SNX16: variants seen among roughly 807,000 people sequenced by gnomAD.
The protein encoded by SNX16 is sorting nexin 16.
A neutral mutation model predicts 36.7 loss-of-function variants in SNX16; 35 were observed. The observed-to-expected ratio is 0.95, with a 90% CI of 0.73 to 1.27. The LOEUF is 1.27. SNX16 is among the 50% of genes most tolerant of loss of function. The probability of loss-of-function intolerance (pLI) is 0.00; values close to 1 mark genes in which losing one functional copy is unlikely to be tolerated. For missense variants in SNX16, 367 were observed against 393.6 expected (o/e 0.93, Z 0.57); for synonymous variants, 134 against 132.0 (o/e 1.02, Z -0.10).
chr8:81,815,563 G>A (rs1385871391), intron 4 of SNX16, 169 bp from the exon 5 acceptor site: 2 of 479,452 alleles, frequency 4.2e-6, no homozygotes, highest in Non-Finnish European at 7.5e-6. Context: ...AAGATCTTAA[G>A]GTGTTTTCTA....
chr8:81,836,290 T>C (rs1811492752), intron 2 of SNX16, among the ~76,000 whole-genome samples: 1 of 152,204 alleles, frequency 6.6e-6, no homozygotes, highest in Non-Finnish European at 1.5e-5. Flanking sequence ...TTCAAAAGAA[T>C]ATATCTAGAA....
chr8:81,840,239 G>C (rs371751711), intron 1 of SNX16, 157 bp from the exon 2 acceptor site: 6 of 347,646 alleles, frequency 1.7e-5, no homozygotes. Context: ...ACTCCTATTT[G>C]CAAGATAGAG....
At chr8:81,841,588 A>G (rs1002084871) in intron 1 of SNX16, 1 of 151,548 alleles carries the variant, frequency 6.6e-6, no homozygotes, top group African/African-American at 2.4e-5. Context: ...TATCAACACA[A>G]CCACTGACGT....
chr8:81,816,068 T>A (rs774477), intron 4 of SNX16, among the ~76,000 whole-genome samples: 37,267 of 152,084 alleles, frequency 0.25, 5,180 homozygotes, highest in East Asian at 0.37. Context: ...AAAAGCAAGT[T>A]TGGACTGTTG....
At chr8:81,834,351 C>T (rs1811400177) in intron 2 of SNX16, among the ~76,000 whole-genome samples, 1 of 152,198 alleles carries the variant, frequency 6.6e-6, no homozygotes, top group Non-Finnish European at 1.5e-5. Context: ...GGTGGGGACA[C>T]ATTCAAACCA....
At chr8:81,808,235 A>G (rs1810058283) in intron 5 of SNX16, 1 of 1,260,058 alleles carries the variant, frequency 7.9e-7, no homozygotes, top group African/African-American at 1.5e-5. Flanking sequence ...ACCTTTCACG[A>G]CCATGACTCC....
At chr8:81,820,960 T>G (rs1244285048) in intron 4 of SNX16, among the ~76,000 whole-genome samples, 6 of 151,382 alleles carry the variant, frequency 4.0e-5, no homozygotes, top group African/African-American at 1.5e-4. Context: ...TCTCTTACAT[T>G]GTGAAACAAA....
Position 81,829,758 on chromosome 8 carries a change from T to G in SNX16, c.376-242A>C, listed in dbSNP as rs139877480. Among the ~76,000 whole-genome samples the G allele has an allele frequency of 4.9e-4, 75 of 152,246 alleles. 1 individual carries two copies. The East Asian group carries it at 0.013, about 26-fold the overall frequency. On this transcript the variant is annotated intron_variant, in intron 2 of 7. Coordinates refer to ENST00000345957, the MANE Select transcript of SNX16 (RefSeq NM_152836.3). ...GACAAAACGCTTTTTCTGTGCACACTAACAATAAACTCATCAGCTTCCAAA... is the reference window on the plus strand; with the variant it reads ...GACAAAACGCTTTTTCTGTGCACACGAACAATAAACTCATCAGCTTCCAAA...
intron 5 of SNX16, among the ~76,000 whole-genome samples, chr8:81,804,303 A>G (rs1196123550): frequency 6.6e-6 from 1 of 152,086 alleles, no homozygotes; most frequent in Non-Finnish European, 1.5e-5. Flanking sequence ...ACTGAATCCC[A>G]AAAGAAAGAG....
At chr8:81,827,891 A>T (rs528276812) in intron 3 of SNX16, among the ~76,000 whole-genome samples, 1 of 152,304 alleles carries the variant, frequency 6.6e-6, no homozygotes, top group South Asian at 2.1e-4. Flanking sequence ...TAATTTCTGC[A>T]TGTTCTAAGA....
In SNX16 at chr8:81,801,405, G is replaced by A. The variant is rs1809679901; in HGVS notation, c.*92C>T. ...TGTGCATTCTTGCTCTTTTCTATAT[G>A]TTTTACAGTTCTTGGTTCTTCTTTT... On this transcript the variant is annotated 3_prime_UTR_variant, in exon 8 of 8. Coordinates refer to ENST00000345957, the MANE Select transcript of SNX16 (RefSeq NM_152836.3). The A allele has an allele frequency of 2.8e-6, 2 of 702,624 alleles. No individual in the cohort carries two copies. The highest frequency in any genetic ancestry group is 2.3e-6 in the Non-Finnish European group (1 of 443,118). The allele number at this position is 702,624 out of a possible 1,614,324, so 43.5% of individuals were successfully genotyped here. A position where few individuals can be genotyped will look rare whatever the true frequency, so the allele number is the denominator to read the frequency against.
chr8:81,829,425 CT>C lies in SNX16; in HGVS notation c.462+4del. The C allele has an allele frequency of 1.5e-6, 2 of 1,301,012 alleles. No homozygotes were observed. The highest frequency in any genetic ancestry group is 2.0e-6 in the Non-Finnish European group (2 of 978,218). 80.6% of individuals were successfully genotyped at this position (1,301,012 alleles called of 1,614,324 possible). On this transcript the variant is annotated splice_donor_region_variant and intron_variant, in intron 3 of 7. Coordinates refer to ENST00000345957, the MANE Select transcript of SNX16 (RefSeq NM_152836.3). ...ATGTTAGTTTGGATTTATTATAGTA[CT>C]TACTTTGTCATTAAGCCTAGAGAAG...
intron 3 of SNX16, among the ~76,000 whole-genome samples, chr8:81,828,144 G>A (rs1260134456): frequency 6.6e-6 from 1 of 152,008 alleles, no homozygotes; most frequent in East Asian, 1.9e-4. Context: ...GTAAAACACA[G>A]ATAAACAAAA....
chr8:81,831,719 TAAAC>T (rs1347738396), intron 2 of SNX16, among the ~76,000 whole-genome samples: 1 of 144,928 alleles, frequency 6.9e-6, no homozygotes, highest in African/African-American at 2.5e-5. Flanking sequence ...AAAAGGAACT[TAAAC>T]AATTCAACAA....
intron 4 of SNX16, among the ~76,000 whole-genome samples, chr8:81,820,713 C>G (rs780526583): frequency 6.6e-6 from 1 of 152,024 alleles, no homozygotes; most frequent in East Asian, 1.9e-4. Flanking sequence ...CTGATCTCCC[C>G]GCTTCTTTGA....
chr8:81,834,109 T>C (rs1811389578), intron 2 of SNX16, among the ~76,000 whole-genome samples: 1 of 152,182 alleles, frequency 6.6e-6, no homozygotes, highest in Non-Finnish European at 1.5e-5. Context: ...GGACTTACAG[T>C]TCCATGTGGC....
intron 2 of SNX16, among the ~76,000 whole-genome samples, chr8:81,836,497 C>T (rs1258656818): frequency 6.6e-6 from 1 of 152,150 alleles, no homozygotes; most frequent in Non-Finnish European, 1.5e-5. Flanking sequence ...TCCCTCAAAA[C>T]CTGTCATTTA....
At chr8:81,813,112 G>A (rs1810336302) in intron 5 of SNX16, among the ~76,000 whole-genome samples, 1 of 152,012 alleles carries the variant, frequency 6.6e-6, no homozygotes. Context: ...AAGAATAACA[G>A]ATCAAGACCC....
chr8:81,819,193 T>C (rs557061104), intron 4 of SNX16, among the ~76,000 whole-genome samples: 1 of 152,048 alleles, frequency 6.6e-6, no homozygotes, highest in African/African-American at 2.4e-5. Flanking sequence ...AAGAAAAAAA[T>C]GGCATGTAAG....
Sources: gnomAD v4.1 joint callset for allele counts (sites outside exome capture counted in the v4.1 genomes callset) on GRCh38, gnomAD v4.1.1 for gene constraint, MANE v1.5 for transcripts, NCBI Gene and HGNC (gene_info 2026-07-23, HGNC 2026-07-21) for gene names.